The following GIGYF2 variants were observed in gnomAD, a reference collection of about 807,000 sequenced individuals.
GIGYF2 encodes GRB10 interacting GYF protein 2, also known as GRB10-interacting GYF protein 2.
GIGYF2 carries 25 observed loss-of-function variants against 208.1 expected under a neutral mutation model. The observed-to-expected ratio is 0.12, with a 90% CI of 0.09 to 0.17. The LOEUF (loss-of-function observed/expected upper bound fraction) is 0.17. Among genes scored for constraint, GIGYF2 ranks in the 10% least tolerant of loss-of-function variants. GIGYF2 has a pLI of 1.00. For synonymous variants in GIGYF2, 534 were observed against 543.8 expected (o/e 0.98, Z 0.25); for missense variants, 1,302 against 1,579.4 (o/e 0.82, Z 2.98).
chr2:232,840,227 A>C (rs1701775098), intron 23 of GIGYF2, among the ~76,000 whole-genome samples: 1 of 152,252 alleles, frequency 6.6e-6, no homozygotes, highest in African/African-American at 2.4e-5. Context: ...AGAAGACCTC[A>C]TAAATAAAAC....
chr2:232,790,633 T>C, intron 9 of GIGYF2, 65 bp from the exon 10 acceptor site: 1 of 1,318,098 alleles, frequency 7.6e-7, no homozygotes, highest in Non-Finnish European at 1.1e-6. Context: ...TTTCTATTCC[T>C]GATTTTCTTA....
chr2:232,735,293 A>C (rs904480061), intron 3 of GIGYF2, 55 bp downstream of exon 3: 2 of 1,210,644 alleles, frequency 1.7e-6, no homozygotes, highest in Middle Eastern at 1.9e-4. Context: ...ACAGTAGTAA[A>C]GTATTTGACA....
At chr2:232,795,398 T>C (rs1460920832) in intron 13 of GIGYF2, among the ~76,000 whole-genome samples, 3 of 152,350 alleles carry the variant, frequency 2.0e-5, no homozygotes, top group Non-Finnish European at 2.9e-5. Flanking sequence ...AGCTTGCTTT[T>C]CTACGAAAGA....
At chr2:232,792,514 G>T (rs988087036) in intron 12 of GIGYF2, among the ~76,000 whole-genome samples, 12 of 152,242 alleles carry the variant, frequency 7.9e-5, no homozygotes, top group Admixed American at 7.9e-4. Context: ...AAATGGGGGA[G>T]ATCACTTGAG....
intron 2 of GIGYF2, among the ~76,000 whole-genome samples, chr2:232,720,524 CCACAATGGTT>C (rs1158368737): frequency 6.6e-5 from 10 of 151,528 alleles, no homozygotes; most frequent in African/African-American, 2.4e-4. Context: ...ACACTGTCTT[CCACAATGGTT>C]AAACTAGTTT....
chr2:232,801,997 T>G (rs1014698328), intron 14 of GIGYF2, among the ~76,000 whole-genome samples: 1 of 152,244 alleles, frequency 6.6e-6, no homozygotes, highest in Non-Finnish European at 1.5e-5. Context: ...CATCCTTGGT[T>G]AATCCCGAAG....
rs146098687 is a variant in GIGYF2 at position 232,729,270 on chromosome 2, G to A, written c.-43-5885G>A. 7.2e-5 allele frequency among the ~76,000 whole-genome samples: 11 copies of A among 152,290 alleles called. 1 individual carries two copies. The highest frequency in any genetic ancestry group is 2.6e-4 in the African/African-American group (11 of 41,550). ...GCTGAGATTACAGGTGTGAGGCACT[G>A]CATCCGGCCTCCAGAGCTGTTTTCT... is the stretch of plus-strand genomic sequence containing the variant. On this transcript the variant is annotated intron_variant, in intron 2 of 28. Transcript: ENST00000373563.
At chr2:232,759,512 C>G (rs1417834295) in intron 6 of GIGYF2, among the ~76,000 whole-genome samples, 1 of 152,116 alleles carries the variant, frequency 6.6e-6, no homozygotes, top group African/African-American at 2.4e-5. Flanking sequence ...AACGGTGCAG[C>G]TATATCATTT....
At chr2:232,720,295 T>C (rs1317869209) in intron 2 of GIGYF2, among the ~76,000 whole-genome samples, 1 of 152,216 alleles carries the variant, frequency 6.6e-6, no homozygotes, top group African/African-American at 2.4e-5. Context: ...TATGGCTGCA[T>C]AGTATTCCAT....
chr2:232,747,578 A>G (rs781711804), intron 3 of GIGYF2, 37 bp from the exon 4 acceptor site: 1 of 1,613,018 alleles, frequency 6.2e-7, no homozygotes, highest in South Asian at 1.1e-5. Context: ...CTGTAGCACC[A>G]GAATGTTTGA....
At chr2:232,748,249 C>G (rs1437442730) in intron 4 of GIGYF2, among the ~76,000 whole-genome samples, 1 of 152,116 alleles carries the variant, frequency 6.6e-6, no homozygotes, top group South Asian at 2.1e-4. Flanking sequence ...ATCTTACTCA[C>G]TGACTAGTAA....
intron 2 of GIGYF2, among the ~76,000 whole-genome samples, chr2:232,709,874 C>T (rs759533496): frequency 6.6e-6 from 1 of 152,124 alleles, no homozygotes; most frequent in South Asian, 2.1e-4. Context: ...TCAAGTGATC[C>T]TCCCGCCTTG....
At chr2:232,833,309 T>C (rs1701482109) in intron 22 of GIGYF2, among the ~76,000 whole-genome samples, 1 of 152,118 alleles carries the variant, frequency 6.6e-6, no homozygotes, top group South Asian at 2.1e-4. Flanking sequence ...CTCAACTTCC[T>C]TGGGCAGCTC....
intron 12 of GIGYF2, among the ~76,000 whole-genome samples, chr2:232,793,802 A>T (rs1338657976): frequency 1.3e-5 from 2 of 152,228 alleles, no homozygotes; most frequent in Non-Finnish European, 2.9e-5. Flanking sequence ...AGTAGAGTGC[A>T]GGGAAACTAA....
At chr2:232,807,152 C>T (rs1364004313) in intron 15 of GIGYF2, among the ~76,000 whole-genome samples, 5 of 152,054 alleles carry the variant, frequency 3.3e-5, no homozygotes, top group Non-Finnish European at 7.3e-5. Flanking sequence ...TGAGGTTTGC[C>T]TTAAAATAAA....
chr2:232,730,181 C>T (rs1223280579), intron 2 of GIGYF2: 2 of 1,487,502 alleles, frequency 1.3e-6, no homozygotes, highest in Admixed American at 1.7e-5. Flanking sequence ...CAGGGCTTTT[C>T]AGGTCTCTGA....
In GIGYF2 at chr2:232,844,426, C is replaced by T. The variant is rs1304818142; in HGVS notation, c.3157C>T (p.Pro1053Ser). Residue 1053 changes from proline to serine, a missense_variant, in exon 25 of 29, where the codon CCT becomes TCT. By Grantham distance (74) the Pro-to-Ser change is moderately conservative (BLOSUM62 -1). Around this residue, in one of 8 missense-constraint regions of GIGYF2, gnomAD observed 701 missense variants for 793.0 expected, o/e 0.88. Transcript: ENST00000373563. ...TGTTTGGGGCTCTATAAATACTGGT[C>T]CTCCTAACCAGTGGGCATCTGACCT... ...NSVWGSINTGPPNQWASDLVS... is the reference protein window; with the variant it reads ...NSVWGSINTGSPNQWASDLVS... The T allele has an allele frequency of 8.7e-6, 14 of 1,611,382 alleles. No individual in the cohort carries two copies. The highest frequency in any genetic ancestry group is 1.7e-5 in the Admixed American group (1 of 59,994).
At chr2:232,825,775 A>G (rs1701228569) in intron 21 of GIGYF2, among the ~76,000 whole-genome samples, 1 of 152,086 alleles carries the variant, frequency 6.6e-6, no homozygotes. Context: ...TTACATAGAT[A>G]TACATGTGCC....
chr2:232,749,116 T>C, intron 5 of GIGYF2, 34 bp downstream of exon 5: 1 of 1,033,136 alleles, frequency 9.7e-7, no homozygotes, highest in Non-Finnish European at 1.5e-6. Flanking sequence ...AGCAAACTCT[T>C]ATTCTTTTCC....
Sources: allele counts gnomAD v4.1 joint callset (sites outside exome capture counted in the v4.1 genomes callset), GRCh38; gene constraint gnomAD v4.1.1; regional missense constraint gnomAD v4.1.1; transcripts MANE v1.5; gene names NCBI Gene and HGNC (gene_info 2026-07-23, HGNC 2026-07-21).